The following NRG3 variants were observed in gnomAD, a reference collection of about 807,000 sequenced individuals.
NRG3 encodes the protein pro-neuregulin-3, membrane-bound isoform.
In NRG3, 31 loss-of-function variants were observed where a neutral mutation model predicts 66.9. That is an observed-to-expected ratio of 0.46 (90% confidence interval 0.35 to 0.63). The LOEUF is 0.63. NRG3 is among the 20% of genes least tolerant of loss of function. The pLI, the probability that NRG3 is intolerant of heterozygous loss-of-function variation, is 0.00. For synonymous variants in NRG3, 393 were observed against 359.4 expected, an observed-to-expected ratio of 1.09 and a Z score of -1.06; for missense variants, 910 against 878.9, an observed-to-expected ratio of 1.04 and a Z score of -0.45.
At chr10:82,661,742 G>T (rs916394417) in intron 2 of NRG3, among the ~76,000 whole-genome samples, 5 of 152,198 alleles carry the variant, frequency 3.3e-5, no homozygotes, top group Admixed American at 6.5e-5. Flanking sequence ...AGTCCCAGTG[G>T]TCTGCTGAGG....
chr10:82,328,841 C>G (rs1009169206), intron 1 of NRG3, among the ~76,000 whole-genome samples: 2 of 152,164 alleles, frequency 1.3e-5, no homozygotes, highest in Non-Finnish European at 2.9e-5. Flanking sequence ...AGTTAATGAG[C>G]CAGGAATTTA....
intron 1 of NRG3, among the ~76,000 whole-genome samples, chr10:81,962,135 G>C (rs777859793): frequency 3.9e-5 from 6 of 152,232 alleles, no homozygotes; most frequent in Non-Finnish European, 8.8e-5. Flanking sequence ...GCCAGGATCT[G>C]AATTGGGCAG....
intron 1 of NRG3, among the ~76,000 whole-genome samples, chr10:82,349,596 G>T (rs1342508034): frequency 5.3e-5 from 8 of 151,956 alleles, no homozygotes; most frequent in Admixed American, 4.6e-4. Context: ...GCTCCACCCA[G>T]TTCGAGCTTC....
chr10:82,689,117 A>G (rs1284488732), intron 2 of NRG3, among the ~76,000 whole-genome samples: 1 of 152,160 alleles, frequency 6.6e-6, no homozygotes, highest in Admixed American at 6.6e-5. Context: ...ATGGCACCTT[A>G]TAAAATTGCT....
chr10:82,713,119 CAAAAA>C (rs369968319), intron 2 of NRG3, among the ~76,000 whole-genome samples: 8 of 55,344 alleles, frequency 1.4e-4, no homozygotes, highest in East Asian at 7.1e-4. Flanking sequence ...GACTTCATCT[CAAAAA>C]AAAAAAAAAA....
intron 1 of NRG3, among the ~76,000 whole-genome samples, chr10:82,210,921 G>GT (rs1174117169): frequency 1.5e-5 from 2 of 134,246 alleles, no homozygotes; most frequent in Admixed American, 7.3e-5. Context: ...TTGGAACTTG[G>GT]TAAAAAAAAA....
chr10:82,958,919 ATATTTGTACACGTT>A lies in NRG3; in HGVS notation c.1158-24_1158-11del. The A allele has an allele frequency of 6.6e-7, 1 of 1,520,170 alleles. No individual in the cohort carries two copies. The highest frequency in any genetic ancestry group is 8.8e-7 in the Non-Finnish European group (1 of 1,139,060). The allele number at this position is 1,520,170 out of a possible 1,614,324, so 94.2% of individuals were successfully genotyped here. ...GTAGGAGTTGAATAAAGTCATGCAAATATTTGTACACGTTTATTTATGCCTGCAGGAAACAAGCT... is the reference window on the plus strand; with the variant it reads ...GTAGGAGTTGAATAAAGTCATGCAAATATTTATGCCTGCAGGAAACAAGCT... On this transcript the variant is annotated splice_polypyrimidine_tract_variant and intron_variant, in intron 5 of 8. Coordinates refer to ENST00000372141, the MANE Select transcript of NRG3 (RefSeq NM_001010848.4).
intron 1 of NRG3, among the ~76,000 whole-genome samples, chr10:82,243,664 G>C (rs955033550): frequency 1.3e-5 from 2 of 152,152 alleles, no homozygotes; most frequent in African/African-American, 4.8e-5. Flanking sequence ...GAATTGTCAT[G>C]ATTATATAAA....
At chr10:82,970,347 G>C (rs187194706) in intron 6 of NRG3, among the ~76,000 whole-genome samples, 1 of 152,014 alleles carries the variant, frequency 6.6e-6, no homozygotes. Flanking sequence ...TGCCCAGCCT[G>C]GAGTGCAATA....
chr10:82,679,347 CA>C (rs1006062380), intron 2 of NRG3, among the ~76,000 whole-genome samples: 2 of 152,004 alleles, frequency 1.3e-5, no homozygotes, highest in Non-Finnish European at 2.9e-5. Context: ...AAATTCCATA[CA>C]AAAAACAAGT....
chr10:82,669,186 G>A lies in NRG3; in HGVS notation c.954-69391G>A, dbSNP rs541104799. On this transcript the variant is annotated intron_variant, in intron 2 of 8. Coordinates refer to ENST00000372141, the MANE Select transcript of NRG3 (RefSeq NM_001010848.4). ...CCTATAAATATGAAGGAGCAGTTAG[G>A]GAGTTTCAGTAATAAGCAAAAATGA... 4.6e-4 allele frequency among the ~76,000 whole-genome samples: 69 copies of A among 151,298 alleles called. 1 individual carries two copies. The South Asian group carries it at 0.014, about 31-fold the overall frequency.
At chr10:82,338,940 A>G (rs17659446) in intron 1 of NRG3, among the ~76,000 whole-genome samples, 2,347 of 152,300 alleles carry the variant, frequency 0.015, 24 homozygotes, top group Non-Finnish European at 0.024. Context: ...CAGAGTCCCA[A>G]TGTAGTACCA....
At chr10:82,896,588 T>A (rs997888323) in intron 4 of NRG3, among the ~76,000 whole-genome samples, 1 of 152,240 alleles carries the variant, frequency 6.6e-6, no homozygotes, top group Admixed American at 6.5e-5. Flanking sequence ...AAAATAAATG[T>A]GAACATTGAT....
intron 1 of NRG3, among the ~76,000 whole-genome samples, chr10:82,002,401 T>C (rs1222263021): frequency 9.2e-5 from 14 of 152,188 alleles, no homozygotes; most frequent in Non-Finnish European, 1.5e-5. Context: ...ATGGACCCAC[T>C]ATCCACACCT....
chr10:82,916,695 C>T (rs1845862307), intron 4 of NRG3, among the ~76,000 whole-genome samples: 1 of 151,636 alleles, frequency 6.6e-6, no homozygotes. Context: ...GGTGCAATCT[C>T]AGCTCCGCCT....
chr10:82,607,828 T>C (rs1001611420), intron 2 of NRG3, among the ~76,000 whole-genome samples: 1 of 152,020 alleles, frequency 6.6e-6, no homozygotes, highest in Non-Finnish European at 1.5e-5. Context: ...TATAAAACAA[T>C]AATATTTTTT....
chr10:82,794,935 A>T (rs1346495481), intron 3 of NRG3, among the ~76,000 whole-genome samples: 2 of 152,114 alleles, frequency 1.3e-5, no homozygotes, highest in African/African-American at 4.8e-5. Context: ...CTAAGCTCTA[A>T]CCTCTCTCCC....
chr10:82,517,840 A>C (rs1845833952), intron 2 of NRG3, among the ~76,000 whole-genome samples: 1 of 152,134 alleles, frequency 6.6e-6, no homozygotes, highest in South Asian at 2.1e-4. Flanking sequence ...CAAATGTACA[A>C]ATTTAGCTCA....
At chr10:81,978,509 AAAG>A (rs2060209579) in intron 1 of NRG3, among the ~76,000 whole-genome samples, 1 of 152,102 alleles carries the variant, frequency 6.6e-6, no homozygotes, top group South Asian at 2.1e-4. Context: ...TCTGAAAAAG[AAAG>A]TTTGTTTTTA....
Sources: allele counts gnomAD v4.1 joint callset (sites outside exome capture counted in the v4.1 genomes callset), GRCh38; gene constraint gnomAD v4.1.1; transcripts MANE v1.5; gene names NCBI Gene and HGNC (gene_info 2026-07-23, HGNC 2026-07-21).